CNTN5: variants seen among roughly 807,000 people sequenced by gnomAD.
CNTN5 encodes the protein contactin-5.
In CNTN5, 77 loss-of-function variants were observed where a neutral mutation model predicts 129.1. The observed-to-expected ratio is 0.60, with a 90% confidence interval of 0.50 to 0.72. The LOEUF is 0.72. Ranked by LOEUF, CNTN5 falls within the 30% of genes least tolerant of loss-of-function variation. CNTN5 has a pLI of 0.00. For synonymous variants in CNTN5, 509 were observed against 465.6 expected, an observed-to-expected ratio of 1.09 and a Z score of -1.20; for missense variants, 1,478 against 1,328.8, an observed-to-expected ratio of 1.11 and a Z score of -1.75.
chr11:100,119,377 G>A (rs1182165460), intron 13 of CNTN5, among the ~76,000 whole-genome samples: 1 of 151,840 alleles, frequency 6.6e-6, no homozygotes, highest in Non-Finnish European at 1.5e-5. Flanking sequence ...TGCTCTTGTT[G>A]CTATTTGGTG....
intron 2 of CNTN5, among the ~76,000 whole-genome samples, chr11:99,362,854 G>C (rs1439722340): frequency 6.6e-6 from 1 of 151,968 alleles, no homozygotes; most frequent in Admixed American, 6.6e-5. Flanking sequence ...TTTCTATGCT[G>C]TCTATTGTAT....
intron 1 of CNTN5, among the ~76,000 whole-genome samples, chr11:99,142,843 A>G (rs972381074): frequency 7.9e-5 from 12 of 152,206 alleles, no homozygotes; most frequent in African/African-American, 2.9e-4. Context: ...GGCTTCCTGC[A>G]GCTTCGATTT....
intron 4 of CNTN5, among the ~76,000 whole-genome samples, chr11:99,832,839 A>G (rs185800066): frequency 3.4e-4 from 52 of 152,344 alleles, no homozygotes; most frequent in Middle Eastern, 3.4e-3. Flanking sequence ...TGAGACACTT[A>G]GTTTACATTA....
At chr11:99,932,663 A>C (rs1488345966) in intron 7 of CNTN5, among the ~76,000 whole-genome samples, 1 of 152,174 alleles carries the variant, frequency 6.6e-6, no homozygotes, top group Non-Finnish European at 1.5e-5. Flanking sequence ...AAAATTTTAC[A>C]TGTATATGCT....
intron 9 of CNTN5, among the ~76,000 whole-genome samples, chr11:100,034,081 C>A (rs1333945225): frequency 6.6e-6 from 1 of 152,214 alleles, no homozygotes; most frequent in Non-Finnish European, 1.5e-5. Context: ...ATTCCAGCCA[C>A]TCCTCTCTAC....
At chr11:99,479,358 G>A (rs1335797992) in intron 2 of CNTN5, among the ~76,000 whole-genome samples, 1 of 151,172 alleles carries the variant, frequency 6.6e-6, no homozygotes, top group Non-Finnish European at 1.5e-5. Flanking sequence ...AGTTCTATAT[G>A]CAGCATAAAA....
chr11:99,579,210 C>A (rs1294966979), intron 3 of CNTN5, among the ~76,000 whole-genome samples: 4 of 152,052 alleles, frequency 2.6e-5, no homozygotes, highest in African/African-American at 4.8e-5. Context: ...GGTACCAGTA[C>A]CATGCTGTTT....
chr11:99,961,641 A>T (rs529295590), intron 8 of CNTN5, among the ~76,000 whole-genome samples: 42 of 152,358 alleles, frequency 2.8e-4, no homozygotes, highest in African/African-American at 9.6e-4. Context: ...CAACTATTTC[A>T]ATAAAATGTT....
intron 3 of CNTN5, among the ~76,000 whole-genome samples, chr11:99,765,816 C>T (rs1944734876): frequency 6.6e-6 from 1 of 151,844 alleles, no homozygotes; most frequent in South Asian, 2.1e-4. Flanking sequence ...TGACTGATCT[C>T]TACTTGTTTA....
chr11:99,114,297 G>A (rs1857936405), intron 1 of CNTN5, among the ~76,000 whole-genome samples: 1 of 151,962 alleles, frequency 6.6e-6, no homozygotes, highest in African/African-American at 2.4e-5. Context: ...TATATCATTC[G>A]AGAGATGTAG....
intron 16 of CNTN5, among the ~76,000 whole-genome samples, chr11:100,238,700 T>G (rs1040091612): frequency 1.3e-5 from 2 of 152,200 alleles, no homozygotes; most frequent in Non-Finnish European, 2.9e-5. Context: ...ATTGTTGATA[T>G]TCTCAAATCT....
At chr11:99,973,982 A>G (rs990177062) in intron 8 of CNTN5, among the ~76,000 whole-genome samples, 10 of 152,224 alleles carry the variant, frequency 6.6e-5, no homozygotes, top group African/African-American at 2.4e-4. Flanking sequence ...ATACCAATAT[A>G]ATCCTGCCAT....
chr11:100,211,153 C>T (rs762237847), intron 15 of CNTN5, among the ~76,000 whole-genome samples: 15 of 152,212 alleles, frequency 9.9e-5, no homozygotes, highest in Admixed American at 1.3e-4. Flanking sequence ...ATAAGCATTA[C>T]ATTTACTATG....
chr11:99,470,773 T>TTTAA (rs1457706326), intron 2 of CNTN5, among the ~76,000 whole-genome samples: 1 of 151,248 alleles, frequency 6.6e-6, no homozygotes, highest in Admixed American at 6.6e-5. Flanking sequence ...TGCCTAAATT[T>TTTAA]TTAATTTACA....
intron 18 of CNTN5, among the ~76,000 whole-genome samples, chr11:100,291,322 A>G (rs1198788155): frequency 3.6e-4 from 54 of 152,064 alleles, no homozygotes; most frequent in Middle Eastern, 3.4e-3. Context: ...TGTTTATTGC[A>G]GCACTATTCA....
intron 13 of CNTN5, among the ~76,000 whole-genome samples, chr11:100,149,583 G>T (rs1003456087): frequency 6.6e-6 from 1 of 152,036 alleles, no homozygotes; most frequent in Non-Finnish European, 1.5e-5. Flanking sequence ...CAATGTCATG[G>T]CACAAATGAT....
chr11:99,582,473 T>G lies in CNTN5; in HGVS notation c.55+26204T>G, dbSNP rs566592178. Among the ~76,000 whole-genome samples, 217 of 152,358 alleles carry G rather than the reference T, an allele frequency of 1.4e-3. 2 individuals are homozygous for G. The highest frequency in any genetic ancestry group is 4.9e-3 in the African/African-American group (202 of 41,590). ...CACTTTCAGGTACACCAATTAGACA[T>G]AGATTTTGTCTTTTCACATAGTGCC... On this transcript the variant is annotated intron_variant, in intron 3 of 24. Coordinates refer to ENST00000524871, the MANE Select transcript of CNTN5 (RefSeq NM_014361.4).
At chr11:99,238,797 C>T (rs745977079) in intron 1 of CNTN5, among the ~76,000 whole-genome samples, 13 of 151,952 alleles carry the variant, frequency 8.6e-5, no homozygotes, top group Non-Finnish European at 1.5e-4. Context: ...ATGCAATTAT[C>T]AAATAGATGG....
intron 9 of CNTN5, among the ~76,000 whole-genome samples, chr11:100,037,858 T>C (rs1942116001): frequency 6.6e-6 from 1 of 152,206 alleles, no homozygotes; most frequent in South Asian, 2.1e-4. Flanking sequence ...TTCTTCTCTC[T>C]TTTTTTCTTT....
Sources: allele counts gnomAD v4.1 joint callset (sites outside exome capture counted in the v4.1 genomes callset), GRCh38; gene constraint gnomAD v4.1.1; transcripts MANE v1.5; gene names NCBI Gene and HGNC (gene_info 2026-07-23, HGNC 2026-07-21).